Variants in PRDM15 observed in about 807,000 individuals in gnomAD.
The protein encoded by PRDM15 is PR/SET domain 15.
In PRDM15, 64 loss-of-function variants were observed where a neutral mutation model predicts 128.6. The ratio of observed to expected loss-of-function variants is 0.50; its 90% CI spans 0.41 to 0.61. The LOEUF is 0.61. Among genes scored for constraint, PRDM15 ranks in the 20% least tolerant of loss-of-function variants. The probability of loss-of-function intolerance (pLI) is 0.00; values close to 1 mark genes in which losing one functional copy is unlikely to be tolerated. For synonymous variants in PRDM15, 615 were observed against 621.8 expected, an observed-to-expected ratio of 0.99 and a Z score of 0.16; for missense variants, 1,242 against 1,569.1, an observed-to-expected ratio of 0.79 and a Z score of 3.52.
Position 41,801,471 on chromosome 21 carries a change from G to A in PRDM15, c.3195C>T (p.Pro1065=). The A allele has an allele frequency of 6.2e-7, 1 of 1,614,194 alleles. No individual in the cohort carries two copies. Among genetic ancestry groups the A allele is most frequent in the Non-Finnish European group, 8.5e-7 (1 of 1,180,030 alleles). Residue 1065 remains proline, a synonymous_variant, in exon 24 of 24, where the codon CCC becomes CCT. Coordinates refer to ENST00000398548, the MANE Select transcript of PRDM15 (RefSeq NM_001040424.3). ...ACTGTGGGTTCGAGGCTTCCGGCTG[G>A]GGGTGGATCTGGACGTCATTTTGGC... The part of the protein sequence containing the change: ...HNRQNDVQIH[P]QPEASNPQSV...
At chr21:41,861,793 G>C (rs1482135216) in intron 1 of PRDM15, 1 of 1,601,290 alleles carries the variant, frequency 6.2e-7, no homozygotes, top group Non-Finnish European at 8.5e-7. Flanking sequence ...TTAGGAGAGT[G>C]AGTTAGCTAC....
At chr21:41,850,007 G>C (rs2063378954) in intron 5 of PRDM15, among the ~76,000 whole-genome samples, 1 of 152,226 alleles carries the variant, frequency 6.6e-6, no homozygotes, top group Admixed American at 6.5e-5. Context: ...AGTTGAGTTA[G>C]AACAGTGATG....
In PRDM15 at chr21:41,857,194, C is replaced by T. The variant is rs765089039; in HGVS notation, c.267G>A (p.Glu89=). 4 of 1,613,608 alleles carry T rather than the reference C, an allele frequency of 2.5e-6. No individual in the cohort carries two copies. In the African/African-American group the frequency reaches 5.3e-5, roughly 22 times the overall value. Reference sequence around the variant, plus strand: ...CCTTTACCTTCAGGGGAAATGCAGACTCCTTTTCCCATTTGGCGACCCTCC... The same window carrying T: ...CCTTTACCTTCAGGGGAAATGCAGATTCCTTTTCCCATTTGGCGACCCTCC... ...ESRRVAKWEK[E]SAFPLKVFQK... Residue 89 remains glutamate, a synonymous_variant, in exon 4 of 24, where the codon GAG becomes GAA. Coordinates refer to ENST00000398548, the MANE Select transcript of PRDM15 (RefSeq NM_001040424.3).
intron 6 of PRDM15, among the ~76,000 whole-genome samples, chr21:41,843,296 C>A (rs1018807282): frequency 6.6e-6 from 1 of 152,126 alleles, no homozygotes; most frequent in Non-Finnish European, 1.5e-5. Context: ...TGCTCGATTT[C>A]TTTTCCTTTT....
At chr21:41,855,029 C>T (rs780861492) in intron 4 of PRDM15, among the ~76,000 whole-genome samples, 4 of 152,182 alleles carry the variant, frequency 2.6e-5, no homozygotes, top group African/African-American at 7.2e-5. Flanking sequence ...TAGTCACAGG[C>T]AAAAGGAAGC....
At chr21:41,850,918 T>C (rs907226434) in intron 5 of PRDM15, among the ~76,000 whole-genome samples, 9 of 152,182 alleles carry the variant, frequency 5.9e-5, no homozygotes, top group Non-Finnish European at 1.3e-4. Context: ...AGATGCATGT[T>C]TGGAGCAAAT....
chr21:41,871,367 ACCTCTG>A (rs991367199), intron 1 of PRDM15: 2 of 106,406 alleles, frequency 1.9e-5, no homozygotes, highest in Non-Finnish European at 3.1e-5. Context: ...CTGCACCACC[ACCTCTG>A]CCTCTGCCTG....
chr21:41,874,484 C>T (rs117179113), intron 1 of PRDM15, among the ~76,000 whole-genome samples: 4,028 of 143,580 alleles, frequency 0.028, 92 homozygotes, highest in Non-Finnish European at 0.041. Context: ...GACAAACCTA[C>T]TATAACTAAG....
chr21:41,829,074 C>A (rs968506799), intron 11 of PRDM15, among the ~76,000 whole-genome samples: 5 of 148,432 alleles, frequency 3.4e-5, no homozygotes, highest in Non-Finnish European at 6.0e-5. Flanking sequence ...CATACACACA[C>A]CACACACACA....
At chr21:41,830,947 C>T (rs931420735) in intron 11 of PRDM15, among the ~76,000 whole-genome samples, 2 of 151,814 alleles carry the variant, frequency 1.3e-5, no homozygotes, top group African/African-American at 2.4e-5. Context: ...CAGGTCCCCT[C>T]GCCCTGCCCC....
intron 1 of PRDM15, among the ~76,000 whole-genome samples, chr21:41,872,807 G>A (rs2064261325): frequency 6.6e-6 from 1 of 152,212 alleles, no homozygotes. Context: ...GGATTCGGCT[G>A]GAAGAAAGCA....
chr21:41,835,651 C>G, intron 10 of PRDM15, 127 bp from the exon 11 acceptor site: 1 of 692,432 alleles, frequency 1.4e-6, no homozygotes. Flanking sequence ...ACCACCCTCC[C>G]GCTCTATTTA....
chr21:41,854,528 A>G lies in PRDM15; in HGVS notation c.538+38T>C. The G allele has an allele frequency of 6.2e-7, 1 of 1,608,116 alleles. No homozygotes were observed. Among genetic ancestry groups the G allele is most frequent in the Non-Finnish European group, 8.5e-7 (1 of 1,179,640 alleles). On this transcript the variant is annotated intron_variant, in intron 5 of 23. Transcript: ENST00000398548. This position sits in a 1 kb window ranked among gnomAD's most constrained non-coding sequence, Gnocchi z 4.6. ...GACCATAACCCCTTCGGCGAGGCAC[A>G]AGGGAAGGTGGGCTCCGGATCGGGG...
chr21:41,863,992 T>G (rs1052779148), intron 1 of PRDM15, among the ~76,000 whole-genome samples: 1 of 152,108 alleles, frequency 6.6e-6, no homozygotes, highest in Non-Finnish European at 1.5e-5. Context: ...TACAGGCACG[T>G]GCCACCACAC....
At chr21:41,803,394 G>A (rs1219633170) in intron 22 of PRDM15, among the ~76,000 whole-genome samples, 1 of 152,254 alleles carries the variant, frequency 6.6e-6, no homozygotes, top group Non-Finnish European at 1.5e-5. Context: ...CCCAGCTGCA[G>A]TGGTGAGCCC....
intron 6 of PRDM15, among the ~76,000 whole-genome samples, chr21:41,843,893 G>A (rs1271134816): frequency 2.7e-5 from 4 of 148,270 alleles, no homozygotes; most frequent in Non-Finnish European, 5.9e-5. Context: ...AGGCTGCAAT[G>A]AGCTAAGATC....
Position 41,854,654 on chromosome 21 carries a change from CG to C in PRDM15, c.449del (p.Pro150ArgfsTer22). On this transcript the variant is annotated frameshift_variant, in exon 5 of 24. Transcript: ENST00000398548. LOFTEE classifies it high-confidence loss of function. The surrounding 1 kb of genome is among the most constrained non-coding windows in gnomAD (Gnocchi z 4.6). ...VYFTTSRDIPPGTELRVWYAA... is the reference protein window; with the variant it reads ...VYFTTSRDIPXGTELRVWYAA... ...CATACCACACGCGCAGCTCGGTACC[CG>C]GGGGGATGTCTCTGGAGGTGGTGAA... The C allele has an allele frequency of 6.2e-7, 1 of 1,613,740 alleles. No individual in the cohort carries two copies. The highest frequency in any genetic ancestry group is 8.5e-7 in the Non-Finnish European group (1 of 1,179,984).
chr21:41,806,422 C>T (rs948883549), intron 21 of PRDM15, among the ~76,000 whole-genome samples: 1 of 58,260 alleles, frequency 1.7e-5, no homozygotes, highest in Non-Finnish European at 3.9e-5. Context: ...TCACCACCAC[C>T]ACCATCACCA....
At chr21:41,839,240 T>C (rs557530730) in intron 7 of PRDM15, among the ~76,000 whole-genome samples, 1 of 152,316 alleles carries the variant, frequency 6.6e-6, no homozygotes, top group African/African-American at 2.4e-5. Context: ...GTCTCGAGGC[T>C]GTAAGCTGCC....
Sources: allele counts gnomAD v4.1 joint callset (sites outside exome capture counted in the v4.1 genomes callset), GRCh38; gene constraint gnomAD v4.1.1; non-coding constraint Gnocchi (gnomAD v3.1); transcripts MANE v1.5; gene names NCBI Gene and HGNC (gene_info 2026-07-23, HGNC 2026-07-21).